PLCB1: variants seen among roughly 807,000 people sequenced by gnomAD.
PLCB1 encodes the protein 1-phosphatidylinositol 4,5-bisphosphate phosphodiesterase beta-1.
PLCB1 carries 46 observed loss-of-function variants against 161.8 expected under a neutral mutation model. That is an observed-to-expected ratio of 0.28 (90% confidence interval 0.22 to 0.36). The LOEUF (loss-of-function observed/expected upper bound fraction) is 0.36. PLCB1 is among the 10% of genes least tolerant of loss of function. The pLI, the probability that PLCB1 is intolerant of heterozygous loss-of-function variation, is 1.00. For missense variants in PLCB1, 1,016 were observed against 1,472.5 expected (o/e 0.69, Z 5.07); for synonymous variants, 517 against 503.7 (o/e 1.03, Z -0.35).
Position 8,628,426 on chromosome 20 carries a change from G to C in PLCB1, c.379G>C (p.Ala127Pro). The change falls in exon 4 of 32, where the codon GCC becomes CCC. Residue 127 changes from alanine (A) to proline (P), a missense_variant. Physicochemically the swap from Ala to Pro is conservative, Grantham distance 27 (BLOSUM62 -1). Coordinates refer to ENST00000338037, the MANE Select transcript of PLCB1 (RefSeq NM_015192.4). ...LNLVAFQEEV[A>P]KEWTNEVFSL... ...TCTCGTGGCTTTCCAAGAAGAAGTG[G>C]CCAAGGTATGGTGGATGGAAATTGC... 2 of 1,614,014 alleles carry C rather than the reference G, an allele frequency of 1.2e-6. No homozygotes were observed.
At chr20:8,867,434 G>A (rs2146320651) in intron 31 of PLCB1, among the ~76,000 whole-genome samples, 1 of 152,356 alleles carries the variant, frequency 6.6e-6, no homozygotes, top group African/African-American at 2.4e-5. Context: ...CATAATGTAT[G>A]TTCAGTTCTT....
intron 1 of PLCB1, among the ~76,000 whole-genome samples, chr20:8,135,140 C>G (rs2051332989): frequency 1.3e-5 from 2 of 152,116 alleles, no homozygotes; most frequent in South Asian, 2.1e-4. Flanking sequence ...CAAAAAAGAA[C>G]CAGATCTTGA....
intron 2 of PLCB1, among the ~76,000 whole-genome samples, chr20:8,219,164 T>A (rs982144457): frequency 6.6e-6 from 1 of 152,176 alleles, no homozygotes; most frequent in African/African-American, 2.4e-5. Flanking sequence ...TCTCAAGACT[T>A]CACTGTGTTT....
intron 31 of PLCB1, among the ~76,000 whole-genome samples, chr20:8,840,642 A>G (rs1477130800): frequency 6.6e-6 from 1 of 152,194 alleles, no homozygotes; most frequent in Non-Finnish European, 1.5e-5. Context: ...TGGAGGCAAT[A>G]TCTTCATAAA....
At chr20:8,526,257 G>A (rs1984582253) in intron 3 of PLCB1, among the ~76,000 whole-genome samples, 1 of 152,240 alleles carries the variant, frequency 6.6e-6, no homozygotes, top group African/African-American at 2.4e-5. Context: ...AAATGAAGCT[G>A]TCACACAGAC....
At chr20:8,732,136 C>T (rs1374734597) in intron 18 of PLCB1, 3 of 151,962 alleles carry the variant, frequency 2.0e-5, no homozygotes, top group African/African-American at 4.8e-5. Context: ...CCTTTGTCCA[C>T]TGGAAAAGAG....
At chr20:8,171,235 T>C (rs2327029) in intron 2 of PLCB1, among the ~76,000 whole-genome samples, 4,070 of 152,260 alleles carry the variant, frequency 0.027, 84 homozygotes, top group Middle Eastern at 0.068. Context: ...TATATAAGCA[T>C]GTAAAATATA....
At chr20:8,649,239 G>A (rs1244223018) in intron 6 of PLCB1, 135 bp from the exon 7 acceptor site, 6 of 599,320 alleles carry the variant, frequency 1.0e-5, no homozygotes, top group Admixed American at 2.7e-5. Context: ...ATGGAGGAAT[G>A]GTTATCTTTT....
At chr20:8,439,526 T>G (rs1980460166) in intron 3 of PLCB1, among the ~76,000 whole-genome samples, 2 of 152,246 alleles carry the variant, frequency 1.3e-5, no homozygotes, top group African/African-American at 4.8e-5. Context: ...CTTGAGGAAT[T>G]ACATGGCTCG....
intron 31 of PLCB1, among the ~76,000 whole-genome samples, chr20:8,803,247 T>C (rs1415340541): frequency 1.3e-5 from 2 of 151,982 alleles, no homozygotes; most frequent in African/African-American, 4.8e-5. Flanking sequence ...CCGGAAAGTC[T>C]GCCTTTCTAA....
chr20:8,734,736 G>A (rs1057327310), intron 19 of PLCB1, among the ~76,000 whole-genome samples: 7 of 152,010 alleles, frequency 4.6e-5, no homozygotes, highest in East Asian at 1.9e-4. Flanking sequence ...ATTCTTCATC[G>A]TTAAAGCTTT....
chr20:8,778,706 G>T (rs1054518544), intron 27 of PLCB1, among the ~76,000 whole-genome samples: 1 of 152,208 alleles, frequency 6.6e-6, no homozygotes, highest in African/African-American at 2.4e-5. Context: ...CTGTGATTGT[G>T]GATGTGGGTT....
At chr20:8,386,063 T>C (rs1272941255) in intron 3 of PLCB1, among the ~76,000 whole-genome samples, 4 of 152,232 alleles carry the variant, frequency 2.6e-5, no homozygotes, top group African/African-American at 9.6e-5. Flanking sequence ...CTACCACAAC[T>C]ACAGTGACTT....
At chr20:8,540,711 G>T (rs1985277636) in intron 3 of PLCB1, among the ~76,000 whole-genome samples, 1 of 152,018 alleles carries the variant, frequency 6.6e-6, no homozygotes, top group South Asian at 2.1e-4. Context: ...CAGGATTAAG[G>T]TTATGTCAGA....
intron 27 of PLCB1, among the ~76,000 whole-genome samples, chr20:8,781,936 C>T (rs6056109): frequency 1.3e-5 from 2 of 152,116 alleles, no homozygotes; most frequent in African/African-American, 4.8e-5. Flanking sequence ...GGGAGCTACA[C>T]GATGAGATTT....
At chr20:8,381,816 C>CATTTG (rs1165022765) in intron 3 of PLCB1, among the ~76,000 whole-genome samples, 1 of 151,916 alleles carries the variant, frequency 6.6e-6, no homozygotes, top group Non-Finnish European at 1.5e-5. Context: ...TTAGTGTGTC[C>CATTTG]ATTTGATTCT....
At chr20:8,211,092 A>G (rs967184833) in intron 2 of PLCB1, among the ~76,000 whole-genome samples, 3 of 152,102 alleles carry the variant, frequency 2.0e-5, no homozygotes, top group Non-Finnish European at 2.9e-5. Context: ...TGCAGGGAAA[A>G]CCAAAGCACC....
chr20:8,579,369 C>T (rs1420710586), intron 3 of PLCB1, among the ~76,000 whole-genome samples: 1 of 152,156 alleles, frequency 6.6e-6, no homozygotes, highest in Non-Finnish European at 1.5e-5. Flanking sequence ...CTAGATAAGC[C>T]AACAGCAAGT....
intron 31 of PLCB1, among the ~76,000 whole-genome samples, chr20:8,835,635 G>C (rs902634585): frequency 2.0e-5 from 3 of 152,044 alleles, no homozygotes; most frequent in Admixed American, 6.6e-5. Context: ...AGGGCTGTCT[G>C]TCTATAATGA....
Sources: allele counts gnomAD v4.1 joint callset (sites outside exome capture counted in the v4.1 genomes callset), GRCh38; gene constraint gnomAD v4.1.1; transcripts MANE v1.5; gene names NCBI Gene and HGNC (gene_info 2026-07-23, HGNC 2026-07-21).